The following DAB2IP variants were observed in gnomAD, a reference collection of about 807,000 sequenced individuals.
DAB2IP encodes DAB2 interacting protein, also known as disabled homolog 2-interacting protein.
Under a neutral mutation model 107.2 loss-of-function variants are expected in DAB2IP, and 28 were observed. That is an observed-to-expected ratio of 0.26 (90% CI 0.19 to 0.36). The LOEUF (loss-of-function observed/expected upper bound fraction) is 0.36. Ranked by LOEUF, DAB2IP falls within the 10% of genes least tolerant of loss-of-function variation. The pLI, the probability that DAB2IP is intolerant of heterozygous loss-of-function variation, is 1.00. For synonymous variants in DAB2IP, 755 were observed against 706.4 expected (o/e 1.07, Z -1.09); for missense variants, 1,400 against 1,644.7 (o/e 0.85, Z 2.57).
chr9:121,695,041 G>C (rs1176894710), intron 2 of DAB2IP, among the ~76,000 whole-genome samples: 2 of 152,128 alleles, frequency 1.3e-5, no homozygotes, highest in South Asian at 4.1e-4. Flanking sequence ...ATCAGTCCTT[G>C]CTCCAGTGAA....
At chr9:121,628,364 G>A (rs928998438) in intron 1 of DAB2IP, among the ~76,000 whole-genome samples, 7 of 152,240 alleles carry the variant, frequency 4.6e-5, no homozygotes, top group Admixed American at 4.6e-4. Context: ...CTCTGCCTCT[G>A]GGTGGAAGAT....
At position 121,768,417 on chromosome 9, in the gene DAB2IP, C is replaced by G. The variant is rs980095721; in HGVS notation, c.1698-15C>G. The G allele has an allele frequency of 6.2e-7, 1 of 1,614,150 alleles. No individual in the cohort carries two copies. Among genetic ancestry groups the G allele is most frequent in the African/African-American group, 1.3e-5 (1 of 75,050 alleles). On this transcript the variant is annotated splice_polypyrimidine_tract_variant and intron_variant, in intron 9 of 15. Transcript: ENST00000408936. ...CCTGGGCCCAGTAGTGCTCACCCAA[C>G]TGCCCTCTCTCCAGATTTGGCAGCA...
intron 1 of DAB2IP, among the ~76,000 whole-genome samples, chr9:121,659,096 C>T (rs1338973318): frequency 6.6e-6 from 1 of 152,178 alleles, no homozygotes; most frequent in Non-Finnish European, 1.5e-5. Context: ...GATGTTGGGG[C>T]CATGAGGCTC....
intron 1 of DAB2IP, among the ~76,000 whole-genome samples, chr9:121,603,913 G>A (rs1325217032): frequency 6.6e-6 from 1 of 152,138 alleles, no homozygotes; most frequent in Non-Finnish European, 1.5e-5. Context: ...AGTGCTCCAT[G>A]GGAATTACTA....
rs1217152874 is a variant in DAB2IP, at chr9:121,701,939, C to T, written c.362+2481C>T. 6.6e-6 allele frequency among the ~76,000 whole-genome samples: 1 copy of T among 152,118 alleles called. No individual in the cohort carries two copies. Among genetic ancestry groups the T allele is most frequent in the African/African-American group, 2.4e-5 (1 of 41,408 alleles). On this transcript the variant is annotated intron_variant, in intron 3 of 15. Coordinates refer to ENST00000408936, the Ensembl canonical transcript of DAB2IP. The surrounding 1 kb of genome is among the most constrained non-coding windows in gnomAD (Gnocchi z 4.7). ...ATGGGACCCCCACTGGCTGCCATGC[C>T]TCTGGCTGGGGAGAGGGTAAGTGCC...
chr9:121,778,475 A>C (rs1835364368), intron 14 of DAB2IP, among the ~76,000 whole-genome samples: 1 of 152,152 alleles, frequency 6.6e-6, no homozygotes, highest in Non-Finnish European at 1.5e-5. Flanking sequence ...TTTACATTTA[A>C]TGTAATTATT....
chr9:121,720,827 T>A (rs1830883310), intron 3 of DAB2IP, among the ~76,000 whole-genome samples: 1 of 152,134 alleles, frequency 6.6e-6, no homozygotes, highest in Non-Finnish European at 1.5e-5. Context: ...AAGGACCTGG[T>A]TGCTGGGGAC....
chr9:121,596,118 C>T (rs536020860), intron 1 of DAB2IP, among the ~76,000 whole-genome samples: 5 of 152,144 alleles, frequency 3.3e-5, no homozygotes, highest in East Asian at 1.9e-4. Context: ...GCGGGGAGTT[C>T]GAGACCAGTC....
At chr9:121,604,327 G>A (rs982345311) in intron 1 of DAB2IP, among the ~76,000 whole-genome samples, 1 of 152,172 alleles carries the variant, frequency 6.6e-6, no homozygotes, top group Non-Finnish European at 1.5e-5. Context: ...TGGCTGAGGG[G>A]GTCCAGCTGC....
At chr9:121,643,677 C>T (rs1345547290) in intron 1 of DAB2IP, among the ~76,000 whole-genome samples, 2 of 152,058 alleles carry the variant, frequency 1.3e-5, no homozygotes, top group African/African-American at 4.8e-5. Flanking sequence ...GCCAGTGTCT[C>T]CTCCTCCAGG....
At position 121,782,379 on chromosome 9, in the gene DAB2IP, G is replaced by A; in HGVS notation, c.3451G>A (p.Ala1151Thr). ...TGCCGCCAATGCCCGCCTCATGAGT[G>A]CCCTGACCCAGCTGAAAGAGAGGTA... The change falls in exon 16 of 16, where the codon GCC becomes ACC. Residue 1151 changes from alanine to threonine, a missense_variant. This residue lies in a region of DAB2IP where 600 missense variants were observed against 659.1 expected (regional missense o/e 0.91). Transcript: ENST00000408936. This position sits in a 1 kb window ranked among gnomAD's most constrained non-coding sequence, Gnocchi z 6.1. 1.2e-6 allele frequency: 2 copies of A among 1,614,018 alleles called. No homozygotes were observed. The highest frequency in any genetic ancestry group is 1.1e-5 in the South Asian group (1 of 91,074).
intron 1 of DAB2IP, among the ~76,000 whole-genome samples, chr9:121,646,346 C>T (rs1832535776): frequency 6.6e-6 from 1 of 152,132 alleles, no homozygotes; most frequent in Admixed American, 6.5e-5. Flanking sequence ...CTGGCCCCAG[C>T]CTCCCCCATC....
chr9:121,776,500 GGA>G lies in DAB2IP; in HGVS notation c.3314+115_3314+116del. 1 of 1,218,796 alleles carries G rather than the reference GGA, an allele frequency of 8.2e-7. No homozygotes were observed. Among genetic ancestry groups the G allele is most frequent in the Non-Finnish European group, 1.1e-6 (1 of 895,182 alleles). The allele number at this position is 1,218,796 out of a possible 1,614,324, so 75.5% of individuals were successfully genotyped here. ...CCTCCTCAAAGGATAAGCTGAATGT[GGA>G]GAGAGGAGGGAAGAGAGTGTCTGGG... On this transcript the variant is annotated intron_variant, in intron 14 of 15. Coordinates refer to ENST00000408936, the Ensembl canonical transcript of DAB2IP. The surrounding 1 kb of genome is among the most constrained non-coding windows in gnomAD (Gnocchi z 5.4).
intron 11 of DAB2IP, among the ~76,000 whole-genome samples, chr9:121,770,966 G>A (rs753426089): frequency 9.2e-5 from 14 of 152,128 alleles, no homozygotes; most frequent in Non-Finnish European, 1.9e-4. Context: ...TTCCATTGGT[G>A]GAAAAGGCAT....
chr9:121,734,635 A>G (rs1831764447), intron 3 of DAB2IP, among the ~76,000 whole-genome samples: 2 of 152,224 alleles, frequency 1.3e-5, no homozygotes, highest in African/African-American at 4.8e-5. Context: ...TCTTATAACA[A>G]GATATTATAA....
chr9:121,620,652 G>T (rs369159675), intron 1 of DAB2IP, among the ~76,000 whole-genome samples: 2 of 152,184 alleles, frequency 1.3e-5, no homozygotes, highest in South Asian at 4.2e-4. Context: ...ACCCTGGGGG[G>T]GTCCTGCCCC....
rs1588027217 is a variant in DAB2IP, at chr9:121,782,655, A to G, written c.*157A>G. ...GCCGCTGTCCAGGAGGCGGCCGCAG[A>G]GGGAGCCACCAGAGACTGAAGCAGC... On this transcript the variant is annotated 3_prime_UTR_variant, in exon 16 of 16. Coordinates refer to ENST00000408936, the Ensembl canonical transcript of DAB2IP. The surrounding 1 kb of genome is among the most constrained non-coding windows in gnomAD (Gnocchi z 6.1). The G allele has an allele frequency of 4.1e-6, 6 of 1,457,082 alleles. No homozygotes were observed. The highest frequency in any genetic ancestry group is 3.6e-6 in the Non-Finnish European group (4 of 1,110,156). 90.3% of individuals were successfully genotyped at this position (1,457,082 alleles called of 1,614,324 possible).
intron 3 of DAB2IP, among the ~76,000 whole-genome samples, chr9:121,733,792 C>CTCG (rs1831690974): frequency 6.6e-6 from 1 of 152,184 alleles, no homozygotes; most frequent in Admixed American, 6.5e-5. Context: ...GGAGGGGAGC[C>CTCG]TCGTGGAAGC....
intron 3 of DAB2IP, among the ~76,000 whole-genome samples, chr9:121,716,079 G>C (rs1254140050): frequency 6.6e-6 from 1 of 152,204 alleles, no homozygotes; most frequent in East Asian, 1.9e-4. Flanking sequence ...AGGTCTAAGG[G>C]GGGCTCTGGA....
Sources: allele counts gnomAD v4.1 joint callset (sites outside exome capture counted in the v4.1 genomes callset), GRCh38; gene constraint gnomAD v4.1.1; regional missense constraint gnomAD v4.1.1; non-coding constraint Gnocchi (gnomAD v3.1); transcripts MANE v1.5; gene names NCBI Gene and HGNC (gene_info 2026-07-23, HGNC 2026-07-21).